Variants in COL19A1 observed in about 807,000 individuals in gnomAD.
The protein encoded by COL19A1 is collagen type XIX alpha 1 chain, also known as collagen alpha-1(XIX) chain.
COL19A1 carries 159 observed loss-of-function variants against 190.2 expected under a neutral mutation model. That is an observed-to-expected ratio of 0.84 (90% confidence interval 0.73 to 0.95). COL19A1 has a LOEUF of 0.95. Among genes scored for constraint, COL19A1 ranks in the 40% least tolerant of loss-of-function variants. The pLI is 0.00. For synonymous variants in COL19A1, 509 were observed against 458.9 expected (o/e 1.11, Z -1.39); for missense variants, 1,418 against 1,431.9 (o/e 0.99, Z 0.16).
chr6:70,110,242 C>T (rs1242090957), intron 16 of COL19A1, among the ~76,000 whole-genome samples: 1 of 151,882 alleles, frequency 6.6e-6, no homozygotes, highest in Non-Finnish European at 1.5e-5. Flanking sequence ...AATGGGAATC[C>T]AATTCAAATT....
intron 11 of COL19A1, among the ~76,000 whole-genome samples, chr6:69,999,253 C>G (rs1315520144): frequency 6.7e-6 from 1 of 149,764 alleles, no homozygotes; most frequent in African/African-American, 2.4e-5. Context: ...TTAAAAAGAC[C>G]AGGTGTAGTG....
At chr6:70,034,731 A>C (rs1420599482) in intron 13 of COL19A1, among the ~76,000 whole-genome samples, 2 of 152,238 alleles carry the variant, frequency 1.3e-5, no homozygotes, top group African/African-American at 4.8e-5. Context: ...AAGTTATTTC[A>C]TAATGACATG....
chr6:69,992,494 G>A (rs1006745870), intron 11 of COL19A1, among the ~76,000 whole-genome samples: 2 of 152,026 alleles, frequency 1.3e-5, no homozygotes, highest in Admixed American at 6.6e-5. Context: ...AAAAAAAAAT[G>A]TTGTTAGTAG....
chr6:69,900,358 C>CT lies in COL19A1; in HGVS notation c.266+23dup. The CT allele has an allele frequency of 1.6e-6, 2 of 1,271,630 alleles. No individual in the cohort carries two copies. Among genetic ancestry groups the CT allele is most frequent in the Non-Finnish European group, 2.2e-6 (2 of 922,358 alleles). 78.8% of individuals were successfully genotyped at this position (1,271,630 alleles called of 1,614,324 possible). A position where few individuals can be genotyped will look rare whatever the true frequency, so the allele number is the denominator to read the frequency against. On this transcript the variant is annotated intron_variant, in intron 4 of 50. Transcript: ENST00000620364. ...CACTATGTAAGTAAAAAATTATTTT[C>CT]TTTATGTTTAATAATACTTCATAAA...
chr6:70,049,503 C>T (rs544685152), intron 14 of COL19A1, among the ~76,000 whole-genome samples: 14 of 151,994 alleles, frequency 9.2e-5, no homozygotes, highest in African/African-American at 2.6e-4. Context: ...TTGGCTCGTT[C>T]GACATGGAGG....
At chr6:70,198,595 T>C (rs1420557692) in intron 48 of COL19A1, among the ~76,000 whole-genome samples, 5 of 152,198 alleles carry the variant, frequency 3.3e-5, no homozygotes, top group Non-Finnish European at 7.3e-5. Context: ...AAGACTCCAG[T>C]GATAGATTGT....
At chr6:69,964,432 G>T (rs899415150) in intron 11 of COL19A1, among the ~76,000 whole-genome samples, 4 of 152,114 alleles carry the variant, frequency 2.6e-5, no homozygotes, top group Admixed American at 6.5e-5. Flanking sequence ...GATTTATTAA[G>T]TGGGATTTTA....
chr6:70,190,170 C>A, intron 47 of COL19A1, 145 bp from the exon 48 acceptor site: 1 of 643,242 alleles, frequency 1.6e-6, no homozygotes, highest in South Asian at 1.8e-5. Context: ...ATATTTATTG[C>A]CCAATATAAT....
intron 11 of COL19A1, among the ~76,000 whole-genome samples, chr6:70,004,692 C>A (rs529530004): frequency 6.6e-6 from 1 of 152,290 alleles, no homozygotes; most frequent in Admixed American, 6.5e-5. Flanking sequence ...TCATGAAGTA[C>A]TATTGCTATG....
At chr6:70,034,926 A>T (rs1274475669) in intron 13 of COL19A1, among the ~76,000 whole-genome samples, 2 of 152,196 alleles carry the variant, frequency 1.3e-5, no homozygotes, top group Non-Finnish European at 2.9e-5. Context: ...TCTGTGTTAA[A>T]GGTGATCCTG....
chr6:69,957,158 A>G (rs1774471654), intron 9 of COL19A1, among the ~76,000 whole-genome samples: 1 of 152,106 alleles, frequency 6.6e-6, no homozygotes, highest in Non-Finnish European at 1.5e-5. Context: ...AATAAGAAAT[A>G]CATTACTTCC....
intron 11 of COL19A1, among the ~76,000 whole-genome samples, chr6:69,979,515 C>T (rs1050700503): frequency 6.6e-6 from 1 of 151,704 alleles, no homozygotes; most frequent in African/African-American, 2.4e-5. Context: ...AATATTTTTA[C>T]TAAAAGCCAG....
intron 48 of COL19A1, among the ~76,000 whole-genome samples, chr6:70,198,224 G>T (rs927716446): frequency 1.3e-5 from 2 of 152,096 alleles, no homozygotes; most frequent in Non-Finnish European, 2.9e-5. Flanking sequence ...CTGCGTTGTT[G>T]TCTGTCATTT....
intron 10 of COL19A1, among the ~76,000 whole-genome samples, chr6:69,960,580 A>G (rs892554539): frequency 1.3e-5 from 2 of 149,040 alleles, no homozygotes; most frequent in African/African-American, 4.9e-5. Flanking sequence ...TCCTGTGCCT[A>G]GTATCTTTCT....
chr6:70,053,480 A>G (rs1046972444), intron 14 of COL19A1, among the ~76,000 whole-genome samples: 11 of 152,228 alleles, frequency 7.2e-5, no homozygotes, highest in Admixed American at 5.9e-4. Flanking sequence ...CAACCTGAGC[A>G]TGTATGTAAC....
intron 2 of COL19A1, among the ~76,000 whole-genome samples, chr6:69,881,798 T>A (rs1768574054): frequency 6.6e-6 from 1 of 152,226 alleles, no homozygotes; most frequent in African/African-American, 2.4e-5. Context: ...ACGTACTGAA[T>A]GTGTGATGGA....
chr6:70,137,352 A>C (rs1002327968), intron 18 of COL19A1, among the ~76,000 whole-genome samples: 4 of 152,176 alleles, frequency 2.6e-5, no homozygotes, highest in Admixed American at 2.0e-4. Flanking sequence ...ACACACAAAA[A>C]AAATTGGTTT....
intron 46 of COL19A1, among the ~76,000 whole-genome samples, 182 bp downstream of exon 46, chr6:70,185,097 T>C (rs1218065843): frequency 6.6e-6 from 1 of 152,232 alleles, no homozygotes; most frequent in African/African-American, 2.4e-5. Flanking sequence ...GCAAGTTATA[T>C]GGTACATCTA....
chr6:70,100,441 T>A (rs1377700103), intron 15 of COL19A1, among the ~76,000 whole-genome samples: 4 of 152,168 alleles, frequency 2.6e-5, no homozygotes, highest in African/African-American at 7.2e-5. Context: ...CATTTCAATC[T>A]TACAATCCTC....
Sources: gnomAD v4.1 joint callset for allele counts (sites outside exome capture counted in the v4.1 genomes callset) on GRCh38, gnomAD v4.1.1 for gene constraint, MANE v1.5 for transcripts, NCBI Gene and HGNC (gene_info 2026-07-23, HGNC 2026-07-21) for gene names.